Variants in KY observed in about 807,000 individuals in gnomAD.
KY encodes the protein kyphoscoliosis peptidase.
KY carries 43 observed loss-of-function variants against 76.1 expected under a neutral mutation model. The observed-to-expected ratio is 0.57, with a 90% CI of 0.44 to 0.73. The LOEUF (loss-of-function observed/expected upper bound fraction) is 0.73, where lower values mean the gene tolerates loss of function less well. Among genes scored for constraint, KY ranks in the 30% least tolerant of loss-of-function variants. The pLI, the probability that KY is intolerant of heterozygous loss-of-function variation, is 0.00. For missense variants in KY, 722 were observed against 828.9 expected, an observed-to-expected ratio of 0.87 and a Z score of 1.58; for synonymous variants, 277 against 326.2, an observed-to-expected ratio of 0.85 and a Z score of 1.63.
At chr3:134,616,922 A>T (rs1193610474) in intron 8 of KY, among the ~76,000 whole-genome samples, 1 of 152,220 alleles carries the variant, frequency 6.6e-6, no homozygotes, top group African/African-American at 2.4e-5. Flanking sequence ...CAGGTAGGCA[A>T]TCTAGTCTCC....
chr3:134,604,141 G>C lies in KY; in HGVS notation c.1424C>G (p.Thr475Ser), dbSNP rs1233250481. Residue 475 changes from threonine (T) to serine (S), a missense_variant, in exon 11 of 11, where the codon ACC (threonine) becomes AGC (serine). Coordinates refer to ENST00000423778, the MANE Select transcript of KY (RefSeq NM_178554.6). ...KPSHPDPIIH[T>S]SDGRCSISFS... ...GCTGATGGAGCAGCGCCCGTCGCTGGTGTGGATGATAGGGTCAGGGTGGGA... is the reference window on the plus strand; with the variant it reads ...GCTGATGGAGCAGCGCCCGTCGCTGCTGTGGATGATAGGGTCAGGGTGGGA... The C allele has an allele frequency of 6.2e-7, 1 of 1,608,394 alleles. No homozygotes were observed. Among genetic ancestry groups the C allele is most frequent in the East Asian group, 2.2e-5 (1 of 44,698 alleles).
At chr3:134,614,544 C>A (rs1292706670) in intron 8 of KY, among the ~76,000 whole-genome samples, 1 of 151,902 alleles carries the variant, frequency 6.6e-6, no homozygotes, top group Non-Finnish European at 1.5e-5. Flanking sequence ...ACATGGCCAC[C>A]AAATGTGGCC....
At chr3:134,623,474 T>G (rs1962970864) in intron 6 of KY, among the ~76,000 whole-genome samples, 1 of 152,144 alleles carries the variant, frequency 6.6e-6, no homozygotes, top group African/African-American at 2.4e-5. Context: ...GGGACTTCCC[T>G]TCTTCAATCA....
chr3:134,627,574 C>T (rs865783381), intron 5 of KY, among the ~76,000 whole-genome samples, 182 bp downstream of exon 5: 2 of 152,192 alleles, frequency 1.3e-5, no homozygotes, highest in South Asian at 4.1e-4. Flanking sequence ...CTTTTTCCTT[C>T]TCCACCTGTG....
chr3:134,615,674 AGC>A (rs779394695), intron 8 of KY, among the ~76,000 whole-genome samples: 124 of 150,508 alleles, frequency 8.2e-4, no homozygotes, highest in Middle Eastern at 7.0e-3. Context: ...AGGGTGGGGG[AGC>A]TAAGATGTCC....
chr3:134,618,539 A>T, intron 8 of KY, among the ~76,000 whole-genome samples: 1 of 57,022 alleles, frequency 1.8e-5, no homozygotes, highest in East Asian at 6.5e-4. Context: ...CCCTCCCCCC[A>T]CCCCACATCT....
At chr3:134,624,374 C>A (rs1388757794) in intron 6 of KY, among the ~76,000 whole-genome samples, 3 of 152,186 alleles carry the variant, frequency 2.0e-5, no homozygotes, top group South Asian at 2.1e-4. Context: ...ACTCACCATC[C>A]ACTCATTATT....
At chr3:134,627,183 G>A (rs7642266) in intron 5 of KY, among the ~76,000 whole-genome samples, 96,966 of 152,058 alleles carry the variant, frequency 0.64, 31,580 homozygotes, top group East Asian at 0.88. Context: ...TAAGATCTAA[G>A]TATGATTCTA....
At chr3:134,632,132 G>A (rs543534772) in intron 3 of KY, among the ~76,000 whole-genome samples, 1 of 152,102 alleles carries the variant, frequency 6.6e-6, no homozygotes, top group East Asian at 1.9e-4. Flanking sequence ...GAACTGATAG[G>A]ACTAAAAGGA....
At chr3:134,619,548 C>T (rs745724173) in intron 7 of KY, among the ~76,000 whole-genome samples, 2 of 152,216 alleles carry the variant, frequency 1.3e-5, no homozygotes, top group Non-Finnish European at 2.9e-5. Context: ...ATGGGGCTCT[C>T]TCTGCTAATC....
At chr3:134,606,141 G>A (rs1013968131) in intron 10 of KY, among the ~76,000 whole-genome samples, 1 of 152,002 alleles carries the variant, frequency 6.6e-6, no homozygotes, top group Non-Finnish European at 1.5e-5. Context: ...CACTGCTCAC[G>A]GCCCCTGGTC....
intron 8 of KY, among the ~76,000 whole-genome samples, chr3:134,614,300 C>T (rs906997177): frequency 1.4e-4 from 21 of 152,116 alleles, no homozygotes; most frequent in Admixed American, 6.6e-4. Context: ...TATTTAATGA[C>T]CTCAGACTGC....
intron 3 of KY, 73 bp from the exon 4 acceptor site, chr3:134,629,768 T>C: frequency 5.7e-6 from 5 of 879,244 alleles, no homozygotes; most frequent in Non-Finnish European, 9.2e-6. Flanking sequence ...TGACTGATGA[T>C]TGAATAAAAA....
At position 134,604,132 on chromosome 3, in the gene KY, C is replaced by A. The variant is rs1389895642; in HGVS notation, c.1433G>T (p.Gly478Val). 2 of 1,608,242 alleles carry A rather than the reference C, an allele frequency of 1.2e-6. No individual in the cohort carries two copies. Among genetic ancestry groups the A allele is most frequent in the Non-Finnish European group, 1.7e-6 (2 of 1,176,944 alleles). The change falls in exon 11 of 11, where the codon GGG becomes GTG. Residue 478 changes from glycine (G) to valine (V), a missense_variant. Gly to Val is a moderately radical substitution (Grantham distance 109). Transcript: ENST00000423778. ...HPDPIIHTSD[G>V]RCSISFSVEE... ...CACGCTGAAGCTGATGGAGCAGCGC[C>A]CGTCGCTGGTGTGGATGATAGGGTC...
intron 4 of KY, among the ~76,000 whole-genome samples, chr3:134,628,594 A>C (rs1173530275): frequency 6.6e-6 from 1 of 152,318 alleles, no homozygotes; most frequent in African/African-American, 2.4e-5. Context: ...TTTGTATTTC[A>C]CACCTACATT....
At chr3:134,633,912 G>A (rs58146379) in intron 3 of KY, among the ~76,000 whole-genome samples, 7,021 of 152,164 alleles carry the variant, frequency 0.046, 566 homozygotes, top group African/African-American at 0.16. Flanking sequence ...GCATGGTCAC[G>A]GTATACAAGG....
intron 3 of KY, among the ~76,000 whole-genome samples, chr3:134,636,334 T>C (rs1050913946): frequency 6.6e-6 from 1 of 152,230 alleles, no homozygotes; most frequent in Non-Finnish European, 1.5e-5. Flanking sequence ...TTCCTCCCAA[T>C]GAGAGGTCTT....
intron 3 of KY, among the ~76,000 whole-genome samples, chr3:134,638,193 T>C (rs1467211075): frequency 6.6e-6 from 1 of 152,228 alleles, no homozygotes; most frequent in African/African-American, 2.4e-5. Context: ...CTGGACACGC[T>C]GTTTCAAGGG....
At chr3:134,616,378 C>A (rs906945418) in intron 8 of KY, among the ~76,000 whole-genome samples, 1 of 152,178 alleles carries the variant, frequency 6.6e-6, no homozygotes, top group Non-Finnish European at 1.5e-5. Flanking sequence ...ATGATGTCCA[C>A]CCTGACAACC....
Sources: gnomAD v4.1 joint callset for allele counts (sites outside exome capture counted in the v4.1 genomes callset) on GRCh38, gnomAD v4.1.1 for gene constraint, MANE v1.5 for transcripts, NCBI Gene and HGNC (gene_info 2026-07-23, HGNC 2026-07-21) for gene names.